CDH8: variants seen among roughly 807,000 people sequenced by gnomAD.
The protein encoded by CDH8 is cadherin-8.
A neutral mutation model predicts 68.1 loss-of-function variants in CDH8; 17 were observed. The observed-to-expected ratio is 0.25, with a 90% CI of 0.17 to 0.37. CDH8 has a LOEUF of 0.37. Ranked by LOEUF, CDH8 falls within the 10% of genes least tolerant of loss-of-function variation. CDH8 has a pLI of 1.00. For missense variants in CDH8, 763 were observed against 999.3 expected, an observed-to-expected ratio of 0.76 and a Z score of 3.19; for synonymous variants, 372 against 365.1, an observed-to-expected ratio of 1.02 and a Z score of -0.21.
chr16:61,869,267 T>C (rs945484356), intron 3 of CDH8, among the ~76,000 whole-genome samples: 1 of 152,052 alleles, frequency 6.6e-6, no homozygotes, highest in African/African-American at 2.4e-5. Context: ...GGGAGCTAGC[T>C]CACAGCCTAC....
chr16:61,944,666 G>T (rs1483892073), intron 2 of CDH8, among the ~76,000 whole-genome samples: 1 of 152,164 alleles, frequency 6.6e-6, no homozygotes, highest in Non-Finnish European at 1.5e-5. Flanking sequence ...AGCAGGCGGG[G>T]TGTGGTGGCT....
At chr16:62,023,134 C>A (rs1902113918) in intron 1 of CDH8, among the ~76,000 whole-genome samples, 1 of 152,162 alleles carries the variant, frequency 6.6e-6, no homozygotes, top group African/African-American at 2.4e-5. Context: ...CAGACCTTGG[C>A]AGGCTTCAAA....
intron 10 of CDH8, among the ~76,000 whole-genome samples, chr16:61,682,862 A>G (rs1421628654): frequency 6.6e-6 from 1 of 151,916 alleles, no homozygotes; most frequent in Non-Finnish European, 1.5e-5. Flanking sequence ...TAACATTCCC[A>G]ACCAATAACT....
rs144693620 is a variant in CDH8 at position 62,020,988 on chromosome 16, C to T, written c.252+164G>A. Among the ~76,000 whole-genome samples, 20 of 152,272 alleles carry T rather than the reference C, an allele frequency of 1.3e-4. 1 individual carries two copies. The East Asian group carries it at 2.9e-3, about 22-fold the overall frequency. ...CCTACAAGACCATTTAAAACTGTTA[C>T]CTTGGGATTAATCGTATTCCTAACA... On this transcript the variant is annotated intron_variant, in intron 2 of 11. Coordinates refer to ENST00000577390, the MANE Select transcript of CDH8 (RefSeq NM_001796.5).
intron 2 of CDH8, among the ~76,000 whole-genome samples, chr16:61,985,948 G>T (rs1965619754): frequency 8.6e-6 from 1 of 116,114 alleles, no homozygotes; most frequent in Admixed American, 1.0e-4. Flanking sequence ...TTTTGAGACA[G>T]AGTCTCACTC....
At chr16:61,968,814 A>G (rs1389515710) in intron 2 of CDH8, among the ~76,000 whole-genome samples, 2 of 152,228 alleles carry the variant, frequency 1.3e-5, no homozygotes, top group African/African-American at 4.8e-5. Flanking sequence ...CACAAGCATC[A>G]GCTATCATTA....
chr16:61,992,892 G>A (rs1965749895), intron 2 of CDH8, among the ~76,000 whole-genome samples: 1 of 152,034 alleles, frequency 6.6e-6, no homozygotes, highest in African/African-American at 2.4e-5. Context: ...GGGCTCATAG[G>A]ATCCTCCCAC....
chr16:61,684,545 A>T (rs1156252876), intron 10 of CDH8, among the ~76,000 whole-genome samples: 1 of 152,056 alleles, frequency 6.6e-6, no homozygotes, highest in Non-Finnish European at 1.5e-5. Flanking sequence ...TATGCTATGT[A>T]AAAATTTCAC....
At chr16:61,741,989 T>C (rs1220486679) in intron 8 of CDH8, among the ~76,000 whole-genome samples, 2 of 152,150 alleles carry the variant, frequency 1.3e-5, no homozygotes, top group African/African-American at 4.8e-5. Context: ...ATCTTTCAAA[T>C]TGCAAACTTT....
intron 2 of CDH8, among the ~76,000 whole-genome samples, chr16:62,016,389 C>T (rs137960441): frequency 2.6e-4 from 40 of 152,320 alleles, no homozygotes; most frequent in African/African-American, 8.4e-4. Flanking sequence ...AATAAATATT[C>T]GTGGCATGGT....
intron 4 of CDH8, among the ~76,000 whole-genome samples, chr16:61,840,498 A>T (rs1190874186): frequency 2.6e-5 from 4 of 152,190 alleles, no homozygotes; most frequent in Non-Finnish European, 1.5e-5. Flanking sequence ...AATACCTGGC[A>T]CATAATAGTC....
chr16:61,919,789 C>T (rs1281405186), intron 2 of CDH8, among the ~76,000 whole-genome samples: 6 of 151,972 alleles, frequency 3.9e-5, no homozygotes, highest in East Asian at 1.9e-4. Context: ...GGCAGGCCAA[C>T]GAACAAAGAA....
At chr16:61,831,554 T>A (rs1193163850) in intron 4 of CDH8, among the ~76,000 whole-genome samples, 1 of 151,858 alleles carries the variant, frequency 6.6e-6, no homozygotes, top group Non-Finnish European at 1.5e-5. Context: ...CTGATTAGAA[T>A]CCAGCTTCAG....
intron 8 of CDH8, among the ~76,000 whole-genome samples, chr16:61,767,926 G>C (rs970221691): frequency 5.9e-5 from 9 of 151,848 alleles, no homozygotes; most frequent in Admixed American, 5.9e-4. Flanking sequence ...AGAACTCAGA[G>C]AGATACAATA....
At chr16:61,730,070 G>C (rs981752765) in intron 8 of CDH8, among the ~76,000 whole-genome samples, 3 of 150,918 alleles carry the variant, frequency 2.0e-5, no homozygotes, top group African/African-American at 7.3e-5. Context: ...CACTCTTTTG[G>C]TTAAAAAATT....
intron 1 of CDH8, among the ~76,000 whole-genome samples, chr16:62,034,801 T>C (rs974820542): frequency 2.0e-5 from 3 of 152,184 alleles, no homozygotes; most frequent in African/African-American, 7.2e-5. Flanking sequence ...ATCGTTTAAT[T>C]GGTGCTGAAG....
chr16:61,919,687 G>C (rs932369260), intron 2 of CDH8, among the ~76,000 whole-genome samples: 12 of 151,986 alleles, frequency 7.9e-5, no homozygotes, highest in Non-Finnish European at 1.6e-4. Flanking sequence ...ATCTACATCT[G>C]ATTGGTGTAC....
intron 8 of CDH8, among the ~76,000 whole-genome samples, chr16:61,783,658 A>G (rs902569961): frequency 6.6e-6 from 1 of 150,516 alleles, no homozygotes; most frequent in African/African-American, 2.4e-5. Flanking sequence ...AGTTGAAATG[A>G]AGGAAAAAAT....
At chr16:61,906,662 C>G (rs1964068077) in intron 2 of CDH8, among the ~76,000 whole-genome samples, 1 of 152,162 alleles carries the variant, frequency 6.6e-6, no homozygotes, top group South Asian at 2.1e-4. Context: ...AGTAAGGTAT[C>G]TGGCATATTG....
Sources: allele counts gnomAD v4.1 joint callset (sites outside exome capture counted in the v4.1 genomes callset), GRCh38; gene constraint gnomAD v4.1.1; transcripts MANE v1.5; gene names NCBI Gene and HGNC (gene_info 2026-07-23, HGNC 2026-07-21).